Variants in NADK2 observed in about 807,000 individuals in gnomAD.
The protein encoded by NADK2 is NAD kinase domain-containing protein 1, mitochondrial.
A neutral mutation model predicts 62.1 loss-of-function variants in NADK2; 35 were observed. The observed-to-expected ratio is 0.56, with a 90% CI of 0.43 to 0.75. The LOEUF is 0.75. Among genes scored for constraint, NADK2 ranks in the 30% least tolerant of loss-of-function variants. The pLI, the probability that NADK2 is intolerant of heterozygous loss-of-function variation, is 0.00. For synonymous variants in NADK2, 205 were observed against 207.9 expected (o/e 0.99, Z 0.12); for missense variants, 439 against 561.3 (o/e 0.78, Z 2.20).
intron 1 of NADK2, among the ~76,000 whole-genome samples, chr5:36,229,915 C>T (rs1017961732): frequency 3.3e-5 from 5 of 151,326 alleles, no homozygotes; most frequent in African/African-American, 1.2e-4. Context: ...TCTAGAGTCA[C>T]AGCCGATGCC....
chr5:36,226,452 C>A (rs763186392), intron 3 of NADK2, 23 bp downstream of exon 3: 1 of 1,579,310 alleles, frequency 6.3e-7, no homozygotes, highest in South Asian at 1.1e-5. Context: ...ATGCCAACAT[C>A]TTTACTTCTG....
In NADK2 at chr5:36,241,603, A is replaced by T; in HGVS notation, c.196T>A (p.Phe66Ile). The change falls in exon 1 of 12, where the codon TTC (phenylalanine) becomes ATC (isoleucine). Residue 66 changes from phenylalanine to isoleucine, a missense_variant. By Grantham distance (21) the Phe-to-Ile change is conservative (BLOSUM62 0). Transcript: ENST00000381937. The surrounding 1 kb of genome is among the most constrained non-coding windows in gnomAD (Gnocchi z 4.9). The stretch of plus-strand genomic sequence containing the variant: ...ACCACCACCACCCGGGAGGGGCGGA[A>T]GCCGCCGTCCGCGCGGCTGCCACAG... ...AGCGSRADGG[F>I]RPSRVVVVAK... is the part of the protein sequence containing the mutation. 1 of 1,507,356 alleles carries T rather than the reference A, an allele frequency of 6.6e-7. No individual in the cohort carries two copies. Among genetic ancestry groups the T allele is most frequent in the Non-Finnish European group, 8.8e-7 (1 of 1,137,570 alleles). 93.4% of individuals were successfully genotyped at this position (1,507,356 alleles called of 1,614,324 possible).
At chr5:36,218,074 T>C (rs1283003652) in intron 5 of NADK2, 190 bp from the exon 6 acceptor site, 5 of 515,754 alleles carry the variant, frequency 9.7e-6, no homozygotes, top group Non-Finnish European at 1.7e-5. Context: ...TTATTCTCTT[T>C]TCAATTATAA....
intron 1 of NADK2, among the ~76,000 whole-genome samples, chr5:36,238,777 G>C (rs932202643): frequency 6.6e-6 from 1 of 152,090 alleles, no homozygotes; most frequent in Admixed American, 6.5e-5. Flanking sequence ...ATAAGTCACT[G>C]GTCAATCAAT....
intron 1 of NADK2, among the ~76,000 whole-genome samples, chr5:36,228,732 C>T (rs1433250159): frequency 6.6e-6 from 1 of 151,760 alleles, no homozygotes; most frequent in African/African-American, 2.4e-5. Context: ...CGCCCTCCCA[C>T]CTCAGCCTCC....
chr5:36,233,162 GACAACACCAAC>G (rs1747771416), intron 1 of NADK2, among the ~76,000 whole-genome samples: 1 of 151,998 alleles, frequency 6.6e-6, no homozygotes, highest in Non-Finnish European at 1.5e-5. Flanking sequence ...TTGAGTTCTG[GACAACACCAAC>G]TCTTATCTGG....
In NADK2 at chr5:36,194,942, T is replaced by G; in HGVS notation, c.*202A>C. On this transcript the variant is annotated 3_prime_UTR_variant, in exon 12 of 12. Transcript: ENST00000381937. The stretch of plus-strand genomic sequence containing the variant: ...AAATTTCACTGGTATCAATTCTAAT[T>G]GGTTCAGTCCATCCATTTTCTTATA... The G allele has an allele frequency of 2.1e-6, 1 of 470,210 alleles. No individual in the cohort carries two copies. The highest frequency in any genetic ancestry group is 3.6e-6 in the Non-Finnish European group (1 of 274,354). 29.1% of individuals were successfully genotyped at this position (470,210 alleles called of 1,614,324 possible).
At position 36,205,011 on chromosome 5, in the gene NADK2, TA is replaced by T. The variant is rs2112085222; in HGVS notation, c.956+2158del. Among the ~76,000 whole-genome samples the T allele has an allele frequency of 6.6e-6, 1 of 152,160 alleles. No homozygotes were observed. Among genetic ancestry groups the T allele is most frequent in the East Asian group, 1.9e-4 (1 of 5,176 alleles). On this transcript the variant is annotated intron_variant, in intron 8 of 11. Coordinates refer to ENST00000381937, the MANE Select transcript of NADK2 (RefSeq NM_001085411.3). The surrounding 1 kb of genome is among the most constrained non-coding windows in gnomAD (Gnocchi z 4.1). ...AACTCTAAATTAAACTATACAAATT[TA>T]AAAGTTTGATAAGCATTGTTTTAGC...
chr5:36,229,979 C>A (rs1284173076), intron 1 of NADK2, among the ~76,000 whole-genome samples: 4 of 151,566 alleles, frequency 2.6e-5, no homozygotes, highest in African/African-American at 9.7e-5. Context: ...TTGATCCAAG[C>A]ACTTTTCTCT....
Position 36,201,230 on chromosome 5 carries a change from CCT to C in NADK2, c.957-71_957-70del, listed in dbSNP as rs1746435613. 2.2e-5 allele frequency: 30 copies of C among 1,392,538 alleles called. No individual in the cohort carries two copies. In the South Asian group the frequency reaches 3.5e-4, roughly 16 times the overall value. The allele number at this position is 1,392,538 out of a possible 1,614,324, so 86.3% of individuals were successfully genotyped here. ...CATGCTAAAAATCAAAAAGGAATAA[CCT>C]ACTTAAAATATAGAAAATTCTTAGA... On this transcript the variant is annotated intron_variant, in intron 8 of 11. Transcript: ENST00000381937.
At chr5:36,236,614 C>G (rs551445191) in intron 1 of NADK2, among the ~76,000 whole-genome samples, 3 of 151,856 alleles carry the variant, frequency 2.0e-5, no homozygotes, top group Admixed American at 2.0e-4. Flanking sequence ...GGAGAAAAGA[C>G]CTAAAAATGA....
At chr5:36,229,736 T>C (rs770057709) in intron 1 of NADK2, among the ~76,000 whole-genome samples, 13 of 151,192 alleles carry the variant, frequency 8.6e-5, no homozygotes, top group Non-Finnish European at 1.6e-4. Context: ...ATTTGACATC[T>C]TTCTTTGGCT....
chr5:36,221,614 A>G (rs925035314), intron 4 of NADK2: 4 of 152,254 alleles, frequency 2.6e-5, no homozygotes, highest in Admixed American at 2.0e-4. Flanking sequence ...GCAATTTAAC[A>G]TATCTGCCTG....
chr5:36,207,459 A>C (rs1351802209), intron 7 of NADK2, among the ~76,000 whole-genome samples, 194 bp from the exon 8 acceptor site: 1 of 151,198 alleles, frequency 6.6e-6, no homozygotes, highest in African/African-American at 2.4e-5. Flanking sequence ...AAAAAAAAAA[A>C]CTACATGTCT....
At chr5:36,207,029 GATGA>G in intron 8 of NADK2, 137 bp downstream of exon 8, 2 of 664,318 alleles carry the variant, frequency 3.0e-6, no homozygotes, top group Non-Finnish European at 5.3e-6. Context: ...AGACCCAAAT[GATGA>G]ATGAAACAGA....
intron 7 of NADK2, among the ~76,000 whole-genome samples, chr5:36,209,430 A>G (rs1218680593): frequency 6.6e-6 from 1 of 152,166 alleles, no homozygotes; most frequent in East Asian, 1.9e-4. Flanking sequence ...TAAAATACAC[A>G]AACAGAATAA....
At chr5:36,234,850 G>C (rs934073708) in intron 1 of NADK2, among the ~76,000 whole-genome samples, 1 of 152,110 alleles carries the variant, frequency 6.6e-6, no homozygotes, top group Non-Finnish European at 1.5e-5. Flanking sequence ...AGTTGGGAGT[G>C]GGGGAGTCTT....
chr5:36,217,497 A>G (rs556254538), intron 6 of NADK2, among the ~76,000 whole-genome samples: 1 of 152,204 alleles, frequency 6.6e-6, no homozygotes, highest in Non-Finnish European at 1.5e-5. Flanking sequence ...AACATCAACT[A>G]TCTTATCAGA....
chr5:36,197,145 T>G (rs1307163113), intron 11 of NADK2, among the ~76,000 whole-genome samples: 2 of 152,092 alleles, frequency 1.3e-5, no homozygotes, highest in African/African-American at 4.8e-5. Flanking sequence ...AATACTATTC[T>G]AAAGGTTTAT....
Sources: gnomAD v4.1 joint callset for allele counts (sites outside exome capture counted in the v4.1 genomes callset) on GRCh38, gnomAD v4.1.1 for gene constraint, Gnocchi (gnomAD v3.1) non-coding constraint, MANE v1.5 for transcripts, NCBI Gene and HGNC (gene_info 2026-07-23, HGNC 2026-07-21) for gene names.